TEX2: variants seen among roughly 807,000 people sequenced by gnomAD.
The protein encoded by TEX2 is testis-expressed protein 2.
A neutral mutation model predicts 106.9 loss-of-function variants in TEX2; 53 were observed. The ratio of observed to expected loss-of-function variants is 0.50; its 90% CI spans 0.40 to 0.62. TEX2 has a LOEUF of 0.62. TEX2 is among the 20% of genes least tolerant of loss of function. TEX2 has a pLI of 0.00. For synonymous variants in TEX2, 523 were observed against 534.8 expected (o/e 0.98, Z 0.30); for missense variants, 1,207 against 1,379.0 (o/e 0.88, Z 1.98).
intron 5 of TEX2, among the ~76,000 whole-genome samples, chr17:64,179,199 T>C (rs1053108420): frequency 2.0e-5 from 3 of 152,190 alleles, no homozygotes; most frequent in Non-Finnish European, 4.4e-5. Context: ...CAGCACTCTG[T>C]AGCTAGCAAA....
intron 1 of TEX2, among the ~76,000 whole-genome samples, chr17:64,247,738 T>G (rs751322104): frequency 6.6e-6 from 1 of 152,168 alleles, no homozygotes; most frequent in Non-Finnish European, 1.5e-5. Flanking sequence ...AGACCTGAAG[T>G]TCCTCTTTAA....
intron 1 of TEX2, among the ~76,000 whole-genome samples, chr17:64,232,073 T>C (rs2033670149): frequency 6.6e-6 from 1 of 152,170 alleles, no homozygotes; most frequent in African/African-American, 2.4e-5. Flanking sequence ...CCATTAAGAA[T>C]GACACAATGA....
At chr17:64,180,773 C>T (rs531377901) in intron 5 of TEX2, among the ~76,000 whole-genome samples, 217 of 152,336 alleles carry the variant, frequency 1.4e-3, no homozygotes, top group South Asian at 7.9e-3. Context: ...ATCAAAACTG[C>T]GTCACTCTTG....
chr17:64,201,182 C>T (rs1359086974), intron 2 of TEX2, among the ~76,000 whole-genome samples: 1 of 152,168 alleles, frequency 6.6e-6, no homozygotes, highest in African/African-American at 2.4e-5. Context: ...GGGTTCCAAT[C>T]ATGCCTGCAC....
intron 2 of TEX2, among the ~76,000 whole-genome samples, chr17:64,200,520 C>T (rs1424706796): frequency 1.3e-5 from 2 of 152,200 alleles, no homozygotes; most frequent in Non-Finnish European, 2.9e-5. Flanking sequence ...CTCGCTCACA[C>T]ATGGGCACAG....
chr17:64,219,516 A>ATATAAAATAAAATAAAATAAAAT (rs1567951489), intron 1 of TEX2, among the ~76,000 whole-genome samples: 1 of 139,212 alleles, frequency 7.2e-6, no homozygotes, highest in Non-Finnish European at 1.5e-5. Context: ...ATCAAATAAA[A>ATATAAAATAAAATAAAATAAAAT]TAAAATAAAA....
chr17:64,180,199 AG>A (rs1473681725), intron 5 of TEX2, among the ~76,000 whole-genome samples: 3 of 152,214 alleles, frequency 2.0e-5, no homozygotes, highest in Admixed American at 6.5e-5. Context: ...GTCTTATTTT[AG>A]ATTTGTAGGT....
At chr17:64,156,432 G>A (rs571145414) in intron 8 of TEX2, among the ~76,000 whole-genome samples, 133 of 152,298 alleles carry the variant, frequency 8.7e-4, no homozygotes, top group African/African-American at 3.1e-3. Context: ...CCCTGGCCAT[G>A]GGACAGCACG....
chr17:64,233,157 C>T (rs2033693398), intron 1 of TEX2, among the ~76,000 whole-genome samples: 1 of 152,132 alleles, frequency 6.6e-6, no homozygotes, highest in Non-Finnish European at 1.5e-5. Context: ...TATATGTGCA[C>T]AACCACACAC....
chr17:64,212,868 C>T lies in TEX2; in HGVS notation c.1350G>A (p.Ala450=), dbSNP rs142804034. 32 of 1,614,018 alleles carry T rather than the reference C, an allele frequency of 2.0e-5. No homozygotes were observed. Among genetic ancestry groups the T allele is most frequent in the African/African-American group, 1.9e-4 (14 of 74,932 alleles). Residue 450 remains alanine, a synonymous_variant, in exon 2 of 12, where the codon GCG becomes GCA. Coordinates refer to ENST00000584379, the MANE Select transcript of TEX2 (RefSeq NM_001288732.2). ...CACTGTCAAGGACCACACCATCTTC[C>T]GCGAGCACCTCTGGCTTGAGAGGAA... ...SDIPLKPEVL[A]EDGVVLDSED...
intron 1 of TEX2, among the ~76,000 whole-genome samples, chr17:64,221,887 T>G (rs1395264174): frequency 6.6e-6 from 1 of 152,168 alleles, no homozygotes; most frequent in African/African-American, 2.4e-5. Flanking sequence ...TTGAGGACAT[T>G]ATGCTAACGA....
chr17:64,218,535 C>T (rs1555632914), intron 1 of TEX2, among the ~76,000 whole-genome samples: 2 of 151,538 alleles, frequency 1.3e-5, no homozygotes, highest in South Asian at 2.1e-4. Context: ...TCTCCTGCCT[C>T]GGGCTCCCCA....
chr17:64,239,904 A>AAAAAAAAAAG lies in TEX2; in HGVS notation c.-26+23263_-26+23264insCTTTTTTTTT, dbSNP rs781859721. ...AAAAAAAAAAAAAAAAAAAAAAAAA[A>AAAAAAAAAAG]GCAGAGAAGATAAGAGAAGAGAAAT... On this transcript the variant is annotated intron_variant, in intron 1 of 11. Transcript: ENST00000584379. Among the ~76,000 whole-genome samples the AAAAAAAAAAG allele has an allele frequency of 5.3e-3, 628 of 118,806 alleles. 29 individuals are homozygous for AAAAAAAAAAG. The highest frequency in any genetic ancestry group is 0.012 in the South Asian group (42 of 3,576). 77.9% of individuals were successfully genotyped at this position (118,806 alleles called of 152,430 possible).
Position 64,252,644 on chromosome 17 carries a change from C to G in TEX2, c.-26+10524G>C, listed in dbSNP as rs1219683738. Among the ~76,000 whole-genome samples, 7 of 152,144 alleles carry G rather than the reference C, an allele frequency of 4.6e-5. No homozygotes were observed. In the East Asian group the frequency reaches 1.3e-3, roughly 29 times the overall value. On this transcript the variant is annotated intron_variant, in intron 1 of 11. Coordinates refer to ENST00000584379, the MANE Select transcript of TEX2 (RefSeq NM_001288732.2). ...TAACCAAGTTTTAAAGAGAAGTCCT[C>G]AAGTTGAGTTTCCCTTATTTTCTAA...
chr17:64,168,903 T>TTTTTTTC, intron 7 of TEX2, among the ~76,000 whole-genome samples: 1 of 23,120 alleles, frequency 4.3e-5, no homozygotes, highest in African/African-American at 1.5e-4. Context: ...TAGATGGTGC[T>TTTTTTTC]TTTTTTTTTT....
chr17:64,261,530 T>C (rs2034286892), intron 1 of TEX2, among the ~76,000 whole-genome samples: 1 of 152,248 alleles, frequency 6.6e-6, no homozygotes, highest in African/African-American at 2.4e-5. Flanking sequence ...TTTTCCTCCC[T>C]CCTCGTCTGT....
intron 1 of TEX2, among the ~76,000 whole-genome samples, chr17:64,225,004 G>C (rs2033466397): frequency 2.6e-5 from 4 of 152,128 alleles, no homozygotes; most frequent in Admixed American, 2.6e-4. Flanking sequence ...ACATCAATAT[G>C]GGGTCACAGA....
intron 1 of TEX2, among the ~76,000 whole-genome samples, chr17:64,254,518 A>G (rs2034150297): frequency 6.6e-6 from 1 of 152,228 alleles, no homozygotes; most frequent in Non-Finnish European, 1.5e-5. Context: ...TCTCAGTTGC[A>G]CTAACCACCT....
chr17:64,173,388 C>T (rs756026208), intron 6 of TEX2, among the ~76,000 whole-genome samples: 1 of 151,766 alleles, frequency 6.6e-6, no homozygotes, highest in Non-Finnish European at 1.5e-5. Context: ...TAAATGTAAA[C>T]TAAATATTCC....
Sources: allele counts gnomAD v4.1 joint callset (sites outside exome capture counted in the v4.1 genomes callset), GRCh38; gene constraint gnomAD v4.1.1; transcripts MANE v1.5; gene names NCBI Gene and HGNC (gene_info 2026-07-23, HGNC 2026-07-21).